Variants in SUSD1 observed in about 807,000 individuals in gnomAD.
SUSD1 encodes the protein sushi domain-containing protein 1.
Under a neutral mutation model 86.9 loss-of-function variants are expected in SUSD1, and 65 were observed. The observed-to-expected ratio is 0.75, with a 90% CI of 0.61 to 0.92. The LOEUF (loss-of-function observed/expected upper bound fraction) is 0.92. SUSD1 is among the 40% of genes least tolerant of loss of function. SUSD1 has a pLI of 0.00. For missense variants in SUSD1, 850 were observed against 929.7 expected (o/e 0.91, Z 1.11); for synonymous variants, 346 against 350.0 (o/e 0.99, Z 0.13).
intron 9 of SUSD1, among the ~76,000 whole-genome samples, chr9:112,100,388 G>A (rs562255617): frequency 4.6e-4 from 70 of 151,658 alleles, no homozygotes; most frequent in African/African-American, 1.2e-3. Context: ...GGGTTTCACC[G>A]TGTTAGCCAG....
At chr9:112,127,927 C>G (rs143103805) in intron 5 of SUSD1, among the ~76,000 whole-genome samples, 1 of 151,796 alleles carries the variant, frequency 6.6e-6, no homozygotes, top group Non-Finnish European at 1.5e-5. Flanking sequence ...CTCTGCCTCC[C>G]GAGGAGCTGG....
At chr9:112,101,483 T>C (rs192106707) in intron 9 of SUSD1, among the ~76,000 whole-genome samples, 193 of 152,338 alleles carry the variant, frequency 1.3e-3, no homozygotes, top group African/African-American at 4.4e-3. Flanking sequence ...TTACTTACAA[T>C]TTTACTGATG....
At chr9:112,141,874 T>C (rs1021730997) in intron 5 of SUSD1, among the ~76,000 whole-genome samples, 3 of 139,852 alleles carry the variant, frequency 2.1e-5, no homozygotes, top group South Asian at 2.2e-4. Flanking sequence ...TATACATATA[T>C]GTGTGTGTAT....
At chr9:112,107,436 G>A (rs893973269) in intron 8 of SUSD1, among the ~76,000 whole-genome samples, 6 of 151,942 alleles carry the variant, frequency 3.9e-5, no homozygotes, top group Non-Finnish European at 8.8e-5. Context: ...GCGACACAGC[G>A]AGATTCTGCT....
chr9:112,142,491 A>G lies in SUSD1; in HGVS notation c.535T>C (p.Cys179Arg), dbSNP rs1832622333. The G allele has an allele frequency of 1.2e-6, 2 of 1,600,826 alleles. No homozygotes were observed. The highest frequency in any genetic ancestry group is 2.7e-5 in the African/African-American group (2 of 73,894). The change falls in exon 5 of 17, where the codon TGT (cysteine) becomes CGT (arginine). Residue 179 changes from cysteine to arginine, a missense_variant. By Grantham distance (180) the Cys-to-Arg change is radical (BLOSUM62 -3). Transcript: ENST00000374270. ...TCTGGAACCTCAGGAGGGGTACCAC[A>G]GTCTATTTCTGAAAATAAATTAATG... ...TDATSCTEID[C>R]GTPPEVPDGY...
In SUSD1 at chr9:112,124,274, C is replaced by A. The variant is rs1831673331; in HGVS notation, c.869G>T (p.Ser290Ile). 6.2e-7 allele frequency: 1 copy of A among 1,613,576 alleles called. No homozygotes were observed. Among genetic ancestry groups the A allele is most frequent in the South Asian group, 1.1e-5 (1 of 90,992 alleles). The stretch of plus-strand genomic sequence containing the variant: ...ATCTGTACCTGTGCATGTTAAAGTA[C>A]TTTCTCTCCAGGTGCCTTTCTCTGT... Reference protein sequence around the residue: ...VCTEKGTWRESTLTCTEILTK... With the variant: ...VCTEKGTWREITLTCTEILTK... Residue 290 changes from serine (S) to isoleucine (I), a missense_variant, in exon 6 of 17, where the codon AGT (serine) becomes ATT (isoleucine). Ser to Ile is a moderately radical substitution (Grantham distance 142, BLOSUM62 -2). Coordinates refer to ENST00000374270, the MANE Select transcript of SUSD1 (RefSeq NM_022486.5).
At chr9:112,140,332 G>A (rs1832507437) in intron 5 of SUSD1, among the ~76,000 whole-genome samples, 1 of 140,086 alleles carries the variant, frequency 7.1e-6, no homozygotes, top group East Asian at 1.9e-4. Context: ...ACTGCAGTCC[G>A]CAGTCCGGCC....
rs3893896 is a variant in SUSD1, at chr9:112,042,953, C to T, written c.2150-993G>A. On this transcript the variant is annotated intron_variant, in intron 15 of 16. Coordinates refer to ENST00000374270, the MANE Select transcript of SUSD1 (RefSeq NM_022486.5). ...AAACCGCCTTTTTAAAAATTATAACCGAGAAAATTATAACCGTGAAAAAGA... is the reference window on the plus strand; with the variant it reads ...AAACCGCCTTTTTAAAAATTATAACTGAGAAAATTATAACCGTGAAAAAGA... Among the ~76,000 whole-genome samples, 526 of 83,366 alleles carry T rather than the reference C, an allele frequency of 6.3e-3. 6 individuals are homozygous for T. Among genetic ancestry groups the T allele is most frequent in the African/African-American group, 0.037 (469 of 12,844 alleles). 54.7% of individuals were successfully genotyped at this position (83,366 alleles called of 152,430 possible).
intron 3 of SUSD1, among the ~76,000 whole-genome samples, chr9:112,144,694 A>G (rs1832732416): frequency 6.6e-6 from 1 of 152,206 alleles, no homozygotes; most frequent in South Asian, 2.1e-4. Flanking sequence ...GCCCATGAGT[A>G]TAGGATGGTG....
intron 15 of SUSD1, among the ~76,000 whole-genome samples, chr9:112,042,968 C>T (rs969864821): frequency 4.6e-4 from 70 of 152,126 alleles, no homozygotes; most frequent in Non-Finnish European, 8.2e-4. Context: ...AAATTATAAC[C>T]GTGAAAAAGA....
At chr9:112,166,165 C>T (rs1469723037) in intron 1 of SUSD1, among the ~76,000 whole-genome samples, 2 of 152,164 alleles carry the variant, frequency 1.3e-5, no homozygotes, top group Non-Finnish European at 2.9e-5. Flanking sequence ...GAAATACAGG[C>T]AGGGGTGCTT....
At chr9:112,111,515 G>T in intron 8 of SUSD1, 139 bp downstream of exon 8, 2 of 1,122,680 alleles carry the variant, frequency 1.8e-6, no homozygotes, top group Admixed American at 2.6e-5. Context: ...CTCTAGTTCT[G>T]TGGCTGGAGC....
Position 112,062,881 on chromosome 9 carries a change from T to C in SUSD1, c.1850+56A>G, listed in dbSNP as rs1280487679. ...TCTTCTCCTCACCAAAATCAAAGTT[T>C]CCAAAACACTCCATGGGGATCACTG... On this transcript the variant is annotated intron_variant, in intron 13 of 16. Transcript: ENST00000374270. 5 of 1,242,658 alleles carry C rather than the reference T, an allele frequency of 4.0e-6. No homozygotes were observed. The African/African-American group carries it at 7.5e-5, about 19-fold the overall frequency. The allele number at this position is 1,242,658 out of a possible 1,614,324, so 77.0% of individuals were successfully genotyped here.
At chr9:112,061,808 C>T (rs938748747) in intron 13 of SUSD1, among the ~76,000 whole-genome samples, 3 of 151,816 alleles carry the variant, frequency 2.0e-5, no homozygotes, top group African/African-American at 7.3e-5. Flanking sequence ...TTTATAATAT[C>T]TCACTTTTTT....
chr9:112,086,956 C>A (rs1830011773), intron 10 of SUSD1, among the ~76,000 whole-genome samples: 1 of 150,644 alleles, frequency 6.6e-6, no homozygotes, highest in African/African-American at 2.4e-5. Context: ...AATTAACAGA[C>A]AAAAGCAGTT....
At chr9:112,126,012 C>T (rs1347570268) in intron 5 of SUSD1, among the ~76,000 whole-genome samples, 1 of 152,190 alleles carries the variant, frequency 6.6e-6, no homozygotes, top group African/African-American at 2.4e-5. Flanking sequence ...AGACACAAGA[C>T]CCCTTGGCCC....
Position 112,051,421 on chromosome 9 carries a change from TTTTTTTTTTTTTG to T in SUSD1, c.2149+965_2149+977del, listed in dbSNP as rs1335754726. 8.3e-4 allele frequency among the ~76,000 whole-genome samples: 102 copies of T among 122,684 alleles called. 2 individuals are homozygous for T. In the East Asian group the frequency reaches 0.02, roughly 24 times the overall value. The allele number at this position is 122,684 out of a possible 152,430, so 80.5% of individuals were successfully genotyped here. A position where few individuals can be genotyped will look rare whatever the true frequency, so the allele number is the denominator to read the frequency against. ...AGTTTTTCTTTTCTTTTTTTTTTTT[TTTTTTTTTTTTTG>T]TTGTTGTTGTTGTTGAGATGGAGTT... On this transcript the variant is annotated intron_variant, in intron 15 of 16. Transcript: ENST00000374270.
intron 8 of SUSD1, among the ~76,000 whole-genome samples, chr9:112,108,536 G>T (rs1830941986): frequency 6.6e-6 from 1 of 151,904 alleles, no homozygotes; most frequent in Non-Finnish European, 1.5e-5. Context: ...CCAGTACTTG[G>T]GGAGGCAGAG....
At chr9:112,042,333 C>G (rs924146675) in intron 15 of SUSD1, among the ~76,000 whole-genome samples, 3 of 152,090 alleles carry the variant, frequency 2.0e-5, no homozygotes, top group African/African-American at 2.4e-5. Context: ...CATGGAGGGA[C>G]AAGTCATTAT....
Sources: gnomAD v4.1 joint callset for allele counts (sites outside exome capture counted in the v4.1 genomes callset) on GRCh38, gnomAD v4.1.1 for gene constraint, MANE v1.5 for transcripts, NCBI Gene and HGNC (gene_info 2026-07-23, HGNC 2026-07-21) for gene names.